Variants in ABI3BP observed in about 807,000 individuals in gnomAD.
ABI3BP encodes target of Nesh-SH3.
A neutral mutation model predicts 268.6 loss-of-function variants in ABI3BP; 216 were observed. The observed-to-expected ratio is 0.80, with a 90% CI of 0.72 to 0.90. ABI3BP has a LOEUF of 0.90. ABI3BP is among the 40% of genes least tolerant of loss of function. The pLI is 0.00. For synonymous variants in ABI3BP, 730 were observed against 730.0 expected (o/e 1.00, Z 0.00); for missense variants, 2,090 against 2,182.4 (o/e 0.96, Z 0.84).
chr3:100,778,336 T>A lies in ABI3BP; in HGVS notation c.4281A>T (p.Pro1427=), dbSNP rs763146287. 1.2e-6 allele frequency: 2 copies of A among 1,613,784 alleles called. No homozygotes were observed. Among genetic ancestry groups the A allele is most frequent in the Non-Finnish European group, 1.7e-6 (2 of 1,179,782 alleles). ...TATTTGGTGGTAAAGGTTTTCTTCG[T>A]GGGTGTGTAGGTCTGGGTGGCAAGG... ...RPPLPPRPTH[P]RRKPLPPNNV... Residue 1427 remains proline, a synonymous_variant, in exon 59 of 68, where the codon CCA becomes CCT. Transcript: ENST00000471714.
chr3:100,769,029 T>TA (rs1246666567), intron 62 of ABI3BP, among the ~76,000 whole-genome samples: 15 of 152,278 alleles, frequency 9.9e-5, no homozygotes, highest in Non-Finnish European at 2.9e-5. Flanking sequence ...AACTCTATTA[T>TA]ATCTCAGTTC....
In ABI3BP at chr3:100,839,579, C is replaced by A; in HGVS notation, c.1935G>T (p.Val645=). 4 of 1,535,800 alleles carry A rather than the reference C, an allele frequency of 2.6e-6. No individual in the cohort carries two copies. ...AGGGAGTAGAATTACCAGTTGTGGG[C>A]ACCAAGGGCTCCGGTTGTATCGTGG... The part of the protein sequence containing the change: ...EPATIQPEPL[V]PTTASKPSER... The change falls in exon 24 of 68, where the codon GTG becomes GTT. Residue 645 remains valine (V), a synonymous_variant. Coordinates refer to ENST00000471714, the MANE Select transcript of ABI3BP (RefSeq NM_001375547.2).
chr3:100,860,900 G>A (rs374708278), intron 14 of ABI3BP, among the ~76,000 whole-genome samples: 7 of 152,092 alleles, frequency 4.6e-5, no homozygotes, highest in South Asian at 2.1e-4. Context: ...GGGCTGTCAC[G>A]GTGCAGCAGA....
At chr3:100,890,687 G>T (rs1315107238) in intron 4 of ABI3BP, among the ~76,000 whole-genome samples, 1 of 151,858 alleles carries the variant, frequency 6.6e-6, no homozygotes, top group East Asian at 1.9e-4. Context: ...CAATCTGTTG[G>T]CTGACCTCTT....
intron 2 of ABI3BP, among the ~76,000 whole-genome samples, chr3:100,908,921 T>C (rs908497219): frequency 2.0e-5 from 3 of 152,182 alleles, no homozygotes; most frequent in African/African-American, 7.2e-5. Context: ...CAATTTCATA[T>C]GGAATCAAAA....
At position 100,862,346 on chromosome 3, in the gene ABI3BP, A is replaced by G; in HGVS notation, c.1250T>C (p.Ile417Thr). 10 of 1,604,800 alleles carry G rather than the reference A, an allele frequency of 6.2e-6. No homozygotes were observed. The highest frequency in any genetic ancestry group is 8.5e-6 in the Non-Finnish European group (10 of 1,176,160). Residue 417 changes from isoleucine (I) to threonine (T), a missense_variant, in exon 14 of 68, where the codon ATA (isoleucine) becomes ACA (threonine). By Grantham distance (89) the Ile-to-Thr change is moderately conservative. Transcript: ENST00000471714. ...CTGCAGAACTTTGGAATCTTCAGATATTTTAGCTGTAGGCACAATCCATGG... is the reference window on the plus strand; with the variant it reads ...CTGCAGAACTTTGGAATCTTCAGATGTTTTAGCTGTAGGCACAATCCATGG... Reference protein sequence around the residue: ...EKPWIVPTAKISEDSKVLQPQ... With the variant: ...EKPWIVPTAKTSEDSKVLQPQ...
chr3:100,825,862 AC>A lies in ABI3BP; in HGVS notation c.2603-19del. The stretch of plus-strand genomic sequence containing the variant: ...AACAGGAACTGAAGTAATAAGATAA[AC>A]AAAAGAGATGGTAAAAAATGTGTGG... On this transcript the variant is annotated intron_variant, in intron 34 of 67. Transcript: ENST00000471714. 6.6e-7 allele frequency: 1 copy of A among 1,519,226 alleles called. No homozygotes were observed. The highest frequency in any genetic ancestry group is 8.8e-7 in the Non-Finnish European group (1 of 1,131,660). 94.1% of individuals were successfully genotyped at this position (1,519,226 alleles called of 1,614,324 possible).
chr3:100,892,871 G>A (rs1241222302), intron 4 of ABI3BP, among the ~76,000 whole-genome samples: 4 of 152,174 alleles, frequency 2.6e-5, no homozygotes, highest in Non-Finnish European at 1.5e-5. Flanking sequence ...AATAAGGAGT[G>A]AGCAAAGGAG....
intron 3 of ABI3BP, among the ~76,000 whole-genome samples, chr3:100,901,984 A>G (rs1259040028): frequency 6.6e-6 from 1 of 152,160 alleles, no homozygotes; most frequent in Non-Finnish European, 1.5e-5. Flanking sequence ...TTATTTATAT[A>G]TCCACTTTCC....
intron 33 of ABI3BP, among the ~76,000 whole-genome samples, chr3:100,829,265 A>G (rs2098443004): frequency 6.6e-6 from 1 of 152,088 alleles, no homozygotes; most frequent in Non-Finnish European, 1.5e-5. Context: ...TTAGATCCTT[A>G]TTTGTGACTT....
chr3:100,844,788 A>G (rs2152971649), intron 20 of ABI3BP, among the ~76,000 whole-genome samples: 1 of 152,250 alleles, frequency 6.6e-6, no homozygotes, highest in Non-Finnish European at 1.5e-5. Context: ...AAAGGGGTGG[A>G]TTTTCTTTGA....
intron 63 of ABI3BP, among the ~76,000 whole-genome samples, chr3:100,763,256 T>C (rs2096072450): frequency 1.3e-5 from 2 of 150,774 alleles, no homozygotes; most frequent in South Asian, 2.1e-4. Flanking sequence ...AGGTCAGGAG[T>C]TCAAGACCAG....
rs1011691034 is a variant in ABI3BP at position 100,803,624 on chromosome 3, CTAATAT to C, written c.3757+1162_3757+1167del. Among the ~76,000 whole-genome samples the C allele has an allele frequency of 1.8e-5, 2 of 113,678 alleles. 1 individual carries two copies. The highest frequency in any genetic ancestry group is 4.6e-5 in the Non-Finnish European group (2 of 43,198). The allele number at this position is 113,678 out of a possible 152,430, so 74.6% of individuals were successfully genotyped here. ...AATATATTGATGTAATGAGATTATA[CTAATAT>C]TATTTTTTATACTGAAGAGGAAAAG... On this transcript the variant is annotated intron_variant, in intron 51 of 67. Coordinates refer to ENST00000471714, the MANE Select transcript of ABI3BP (RefSeq NM_001375547.2).
intron 1 of ABI3BP, among the ~76,000 whole-genome samples, chr3:100,961,808 T>C (rs2079204251): frequency 6.6e-6 from 1 of 152,316 alleles, no homozygotes; most frequent in South Asian, 2.1e-4. Flanking sequence ...CATTGAAAAA[T>C]AGCCTTCATG....
At chr3:100,861,415 C>A (rs1219290251) in intron 14 of ABI3BP, among the ~76,000 whole-genome samples, 1 of 152,092 alleles carries the variant, frequency 6.6e-6, no homozygotes, top group Non-Finnish European at 1.5e-5. Context: ...CATGAAACAT[C>A]CAACTTCATT....
intron 1 of ABI3BP, among the ~76,000 whole-genome samples, chr3:100,939,165 T>C (rs2067678175): frequency 1.3e-5 from 2 of 151,874 alleles, no homozygotes; most frequent in African/African-American, 4.8e-5. Flanking sequence ...GGGAATGGAG[T>C]TTTACTAGGT....
rs1280266252 is a variant in ABI3BP at position 100,846,402 on chromosome 3, G to A, written c.1693C>T (p.Leu565Phe). The A allele has an allele frequency of 1.2e-6, 2 of 1,603,350 alleles. No individual in the cohort carries two copies. Among genetic ancestry groups the A allele is most frequent in the South Asian group, 2.3e-5 (2 of 88,418 alleles). The change falls in exon 20 of 68, where the codon CTC becomes TTC. Residue 565 changes from leucine to phenylalanine, a missense_variant. Leu to Phe is a conservative substitution (Grantham distance 22). Transcript: ENST00000471714. ...TTGGTGTGTGTCACTTCTGGGCTGA[G>A]AGGGATTTTAGGTTTCAGAGAAATA... is the stretch of plus-strand genomic sequence containing the variant. Reference protein sequence around the residue: ...QFISLKPKIPLSPEVTHTKPA... With the variant: ...QFISLKPKIPFSPEVTHTKPA...
At chr3:100,828,029 A>G (rs1410550556) in intron 34 of ABI3BP, among the ~76,000 whole-genome samples, 1 of 152,122 alleles carries the variant, frequency 6.6e-6, no homozygotes, top group African/African-American at 2.4e-5. Flanking sequence ...AAACAAAAAT[A>G]TAAACCCCCA....
chr3:100,979,458 A>G (rs1032718156), intron 1 of ABI3BP, among the ~76,000 whole-genome samples: 10 of 152,218 alleles, frequency 6.6e-5, no homozygotes, highest in African/African-American at 2.4e-4. Context: ...TAAAGTCCCT[A>G]GAAAGAGATA....
Sources: allele counts gnomAD v4.1 joint callset (sites outside exome capture counted in the v4.1 genomes callset), GRCh38; gene constraint gnomAD v4.1.1; transcripts MANE v1.5; gene names NCBI Gene and HGNC (gene_info 2026-07-23, HGNC 2026-07-21).